Variants in TACC2 observed in about 807,000 individuals in gnomAD.
TACC2 encodes the protein transforming acidic coiled-coil-containing protein 2.
A neutral mutation model predicts 227.3 loss-of-function variants in TACC2; 137 were observed. The observed-to-expected ratio is 0.60, with a 90% CI of 0.52 to 0.69. TACC2 has a LOEUF of 0.69. TACC2 is among the 30% of genes least tolerant of loss of function. The probability of loss-of-function intolerance (pLI) is 0.00; values close to 1 mark genes in which losing one functional copy is unlikely to be tolerated. For synonymous variants in TACC2, 1,523 were observed against 1,487.5 expected (o/e 1.02, Z -0.55); for missense variants, 3,470 against 3,694.4 (o/e 0.94, Z 1.57).
At chr10:122,015,011 C>T (rs1241424121) in intron 1 of TACC2, among the ~76,000 whole-genome samples, 1 of 151,938 alleles carries the variant, frequency 6.6e-6, no homozygotes, top group Non-Finnish European at 1.5e-5. Context: ...TCATATTGTT[C>T]ATTGAATGCA....
Position 122,237,447 on chromosome 10 carries a change from C to T in TACC2, c.8180C>T (p.Ser2727Phe), listed in dbSNP as rs148958039. The T allele has an allele frequency of 1.2e-6, 2 of 1,614,100 alleles. No homozygotes were observed. Among genetic ancestry groups the T allele is most frequent in the East Asian group, 2.2e-5 (1 of 44,874 alleles). Residue 2727 changes from serine (S) to phenylalanine (F), a missense_variant, in exon 17 of 23, where the codon TCC (serine) becomes TTC (phenylalanine). By Grantham distance (155) the Ser-to-Phe change is radical (BLOSUM62 -2). Around this residue, in one of 10 missense-constraint regions of TACC2, gnomAD observed 345 missense variants for 354.4 expected, o/e 0.97. Transcript: ENST00000369005. ...TCCATCTCCAAAACAGCCTTGTACT[C>T]CCGCATCGGGACCGCTGAGGTGGAG... is the stretch of plus-strand genomic sequence containing the variant. ...DVSISKTALY[S>F]RIGTAEVEKP...
At chr10:122,053,936 C>T (rs1453715972) in intron 3 of TACC2, among the ~76,000 whole-genome samples, 4 of 152,312 alleles carry the variant, frequency 2.6e-5, no homozygotes, top group African/African-American at 9.6e-5. Flanking sequence ...CAGTGGCCAC[C>T]TGCTGGGCAT....
chr10:121,990,141 T>C (rs1036482640), intron 1 of TACC2, among the ~76,000 whole-genome samples: 1 of 152,114 alleles, frequency 6.6e-6, no homozygotes, highest in Non-Finnish European at 1.5e-5. Context: ...GACAGGGTCT[T>C]GCTCTACTGC....
chr10:122,132,192 AAAGGG>A (rs995801015), intron 5 of TACC2, among the ~76,000 whole-genome samples: 1 of 152,232 alleles, frequency 6.6e-6, no homozygotes, highest in African/African-American at 2.4e-5. Flanking sequence ...TCCCTCACAG[AAAGGG>A]AAACTGAGGC....
At chr10:122,136,633 A>C (rs2089720711) in intron 6 of TACC2, among the ~76,000 whole-genome samples, 2 of 151,040 alleles carry the variant, frequency 1.3e-5, no homozygotes, top group Non-Finnish European at 2.9e-5. Flanking sequence ...GCTCACTGCA[A>C]ACTCGGCCCC....
At chr10:122,080,422 T>C (rs1040327070) in intron 3 of TACC2, among the ~76,000 whole-genome samples, 1 of 151,934 alleles carries the variant, frequency 6.6e-6, no homozygotes, top group African/African-American at 2.4e-5. Context: ...TTTTTAGAGA[T>C]GGAGTTTCGC....
chr10:122,083,115 C>T lies in TACC2; in HGVS notation c.615C>T (p.Leu205=). The T allele has an allele frequency of 6.2e-7, 1 of 1,613,074 alleles. No individual in the cohort carries two copies. The highest frequency in any genetic ancestry group is 1.3e-5 in the African/African-American group (1 of 75,034). Reference sequence around the variant, plus strand: ...CACCTGGAATGTCGCCAGTACCCCTCAGAGAGCCAATGAAGGCACCGCTGT... The same window carrying T: ...CACCTGGAATGTCGCCAGTACCCCTTAGAGAGCCAATGAAGGCACCGCTGT... ...DQSPGMSPVP[L]REPMKAPLCG... Residue 205 remains leucine, a synonymous_variant, in exon 4 of 23, where the codon CTC becomes CTT. Transcript: ENST00000369005.
chr10:122,215,776 C>CAA (rs1339936738), intron 10 of TACC2, among the ~76,000 whole-genome samples: 1 of 152,114 alleles, frequency 6.6e-6, no homozygotes, highest in African/African-American at 2.4e-5. Context: ...TTGAGATGAA[C>CAA]AAATATGCAG....
chr10:122,214,502 T>C (rs2095361225), intron 9 of TACC2, among the ~76,000 whole-genome samples: 1 of 152,070 alleles, frequency 6.6e-6, no homozygotes, highest in Admixed American at 6.6e-5. Context: ...AAGCCTTTGC[T>C]TTGCTGGGAG....
chr10:122,123,812 T>TA (rs1491080777), intron 5 of TACC2, among the ~76,000 whole-genome samples: 1 of 29,682 alleles, frequency 3.4e-5, no homozygotes, highest in East Asian at 7.7e-4. Context: ...TAGAGTCATT[T>TA]TTTTTTTTTT....
chr10:122,033,032 A>G, intron 2 of TACC2: 1 of 1,049,834 alleles, frequency 9.5e-7, no homozygotes, highest in Non-Finnish European at 1.3e-6. Flanking sequence ...AACACCAAAG[A>G]TTGTCCATCT....
chr10:122,077,545 G>A (rs549961267), intron 3 of TACC2, among the ~76,000 whole-genome samples: 11 of 152,278 alleles, frequency 7.2e-5, no homozygotes, highest in Non-Finnish European at 1.2e-4. Context: ...AGCTTCATGC[G>A]GAATGAGGCA....
intron 2 of TACC2, chr10:122,023,700 A>G (rs960923910): frequency 1.3e-5 from 2 of 152,028 alleles, no homozygotes; most frequent in African/African-American, 4.8e-5. Flanking sequence ...TGTAAATGAC[A>G]AGTTAATGGG....
intron 5 of TACC2, among the ~76,000 whole-genome samples, chr10:122,094,601 T>G (rs1165437201): frequency 6.6e-6 from 1 of 152,112 alleles, no homozygotes; most frequent in Non-Finnish European, 1.5e-5. Context: ...CCTTTGAAAG[T>G]GGGTTCATGA....
intron 1 of TACC2, among the ~76,000 whole-genome samples, chr10:121,993,823 A>G (rs36082085): frequency 0.04 from 6,052 of 152,064 alleles, 174 homozygotes; most frequent in South Asian, 0.083. Flanking sequence ...TAGACTCTAC[A>G]AGGTCCCTCT....
rs1173219005 is a variant in TACC2 at position 122,155,026 on chromosome 10, GA to G, written c.5834+11323del. 4.6e-5 allele frequency among the ~76,000 whole-genome samples: 7 copies of G among 152,232 alleles called. No individual in the cohort carries two copies. The East Asian group carries it at 1.3e-3, about 29-fold the overall frequency. On this transcript the variant is annotated intron_variant, in intron 7 of 22. Transcript: ENST00000369005. ...CGACTGCTGCGGGCAGGCGTGGGAA[GA>G]AATTTACCCCAGATGCTGCACATTC...
intron 3 of TACC2, among the ~76,000 whole-genome samples, chr10:122,053,655 G>A (rs192759920): frequency 1.3e-4 from 20 of 152,174 alleles, no homozygotes; most frequent in African/African-American, 4.6e-4. Context: ...CCGCTTCCTC[G>A]AGCACCCTCC....
chr10:122,229,188 T>G (rs2095686485), intron 14 of TACC2, among the ~76,000 whole-genome samples, 158 bp from the exon 15 acceptor site: 1 of 152,100 alleles, frequency 6.6e-6, no homozygotes, highest in Non-Finnish European at 1.5e-5. Context: ...TGGGAATTAG[T>G]CTAGATGAAA....
chr10:122,219,018 C>CA lies in TACC2; in HGVS notation c.7546+2207dup, dbSNP rs61446434. ...GCCTGGGTGACAGTGAGACTCGTCT[C>CA]AAAAAAAAAAAAAAAAAGAAAAGTG... On this transcript the variant is annotated intron_variant, in intron 11 of 22. Transcript: ENST00000369005. Among the ~76,000 whole-genome samples the CA allele has an allele frequency of 1.0e-3, 76 of 74,668 alleles. 2 individuals carry two copies. Among genetic ancestry groups the CA allele is most frequent in the Admixed American group, 1.8e-3 (12 of 6,796 alleles). 49.0% of individuals were successfully genotyped at this position (74,668 alleles called of 152,430 possible). A position where few individuals can be genotyped will look rare whatever the true frequency, so the allele number is the denominator to read the frequency against.
Sources: gnomAD v4.1 joint callset for allele counts (sites outside exome capture counted in the v4.1 genomes callset) on GRCh38, gnomAD v4.1.1 for gene constraint, gnomAD v4.1.1 regional missense constraint, MANE v1.5 for transcripts, NCBI Gene and HGNC (gene_info 2026-07-23, HGNC 2026-07-21) for gene names.